Variants in SNX18 observed in about 807,000 individuals in gnomAD.
SNX18 encodes sorting nexin 18, also known as sorting nexin-18.
Under a neutral mutation model 48.7 loss-of-function variants are expected in SNX18, and 35 were observed. The observed-to-expected ratio is 0.72, with a 90% CI of 0.55 to 0.95. The LOEUF is 0.95. Ranked by LOEUF, SNX18 falls within the 40% of genes least tolerant of loss-of-function variation. The pLI, the probability that SNX18 is intolerant of heterozygous loss-of-function variation, is 0.00. For missense variants in SNX18, 824 were observed against 871.0 expected (o/e 0.95, Z 0.68); for synonymous variants, 492 against 384.7 (o/e 1.28, Z -3.26).
the SNX18 span, among the ~76,000 whole-genome samples, chr5:54,570,465 C>T: frequency 6.6e-6 from 1 of 152,190 alleles, no homozygotes; most frequent in Non-Finnish European, 1.5e-5. Context: ...TCTGCACCAT[C>T]ATTTCATAAG....
the SNX18 span, among the ~76,000 whole-genome samples, chr5:54,619,379 T>C: frequency 2.0e-5 from 3 of 152,086 alleles, no homozygotes; most frequent in Non-Finnish European, 4.4e-5. Context: ...AGCATGATGA[T>C]GCATGCCTGT....
downstream of SNX18, among the ~76,000 whole-genome samples, chr5:54,550,587 G>T (rs1261290599): frequency 1.3e-5 from 2 of 152,120 alleles, no homozygotes; most frequent in Non-Finnish European, 2.9e-5. Context: ...TGCGGTAGAT[G>T]ATTATTATTA....
At chr5:54,587,368 C>T in the SNX18 span, among the ~76,000 whole-genome samples, 1 of 152,100 alleles carries the variant, frequency 6.6e-6, no homozygotes, top group African/African-American at 2.4e-5. Context: ...TATACATCAA[C>T]AGTATATAAA....
At chr5:54,560,339 T>C in the SNX18 span, among the ~76,000 whole-genome samples, 1 of 152,294 alleles carries the variant, frequency 6.6e-6, no homozygotes, top group South Asian at 2.1e-4. Context: ...TGGATGGAGC[T>C]GGAGGCCATT....
In SNX18 at chr5:54,546,133, A is replaced by G. The variant is rs1363159425; in HGVS notation, c.*2701A>G. ...AATGTAAAGCCAGTGCACGAATATT[A>G]TAGTAATTGAGATTTTCCCAGGCTT... is the stretch of plus-strand genomic sequence containing the variant. On this transcript the variant is annotated 3_prime_UTR_variant, in exon 2 of 2. Coordinates refer to ENST00000381410, the MANE Select transcript of SNX18 (RefSeq NM_001102575.2). The G allele has an allele frequency of 6.6e-6, 1 of 152,204 alleles. No homozygotes were observed. Among genetic ancestry groups the G allele is most frequent in the African/African-American group, 2.4e-5 (1 of 41,434 alleles). The allele number at this position is 152,204 out of a possible 1,614,324, so 9.4% of individuals were successfully genotyped here. A position where few individuals can be genotyped will look rare whatever the true frequency, so the allele number is the denominator to read the frequency against.
chr5:54,521,557 G>A (rs142736832), intron 1 of SNX18, among the ~76,000 whole-genome samples: 235 of 151,888 alleles, frequency 1.5e-3, no homozygotes, highest in Non-Finnish European at 2.8e-3. Context: ...AGAAGTTAGC[G>A]TGGCATGGTG....
chr5:54,561,080 T>C, the SNX18 span, among the ~76,000 whole-genome samples: 2 of 152,362 alleles, frequency 1.3e-5, no homozygotes, highest in East Asian at 3.9e-4. Flanking sequence ...TTTGTTCTGA[T>C]TGCCCAGGCT....
the SNX18 span, among the ~76,000 whole-genome samples, chr5:54,641,199 A>G: frequency 6.6e-6 from 1 of 152,194 alleles, no homozygotes; most frequent in Non-Finnish European, 1.5e-5. Context: ...GGCCAGAACA[A>G]TGCAAGACAA....
At position 54,517,988 on chromosome 5, in the gene SNX18, G is replaced by T; in HGVS notation, c.36G>T (p.Arg12Ser). Reference protein sequence around the residue: ...ALRARALYDFRSENPGEISLR... With the variant: ...ALRARALYDFSSENPGEISLR... ...GCGCCCGGGCGCTGTACGACTTCAG[G>T]TCGGAGAACCCAGGAGAGATCTCGC... The change falls in exon 1 of 2, where the codon AGG (arginine) becomes AGT (serine). Residue 12 changes from arginine to serine, a missense_variant. By Grantham distance (110) the Arg-to-Ser change is moderately radical. Coordinates refer to ENST00000381410, the MANE Select transcript of SNX18 (RefSeq NM_001102575.2). The T allele has an allele frequency of 6.5e-7, 1 of 1,540,118 alleles. No individual in the cohort carries two copies. Among genetic ancestry groups the T allele is most frequent in the East Asian group, 2.6e-5 (1 of 38,102 alleles).
At chr5:54,605,506 C>A in the SNX18 span, among the ~76,000 whole-genome samples, 1 of 151,986 alleles carries the variant, frequency 6.6e-6, no homozygotes, top group Admixed American at 6.6e-5. Flanking sequence ...GATTACTGAA[C>A]TTTTTTACAT....
At chr5:54,555,143 C>T in the SNX18 span, among the ~76,000 whole-genome samples, 1 of 152,204 alleles carries the variant, frequency 6.6e-6, no homozygotes, top group African/African-American at 2.4e-5. Flanking sequence ...TCCTACTCCT[C>T]CTTTGGGACG....
At chr5:54,625,539 G>C in the SNX18 span, among the ~76,000 whole-genome samples, 32 of 152,306 alleles carry the variant, frequency 2.1e-4, no homozygotes, top group African/African-American at 7.2e-4. Flanking sequence ...GAGGGAAAGA[G>C]AGACAGGGTG....
At chr5:54,606,664 C>T in the SNX18 span, among the ~76,000 whole-genome samples, 1 of 152,170 alleles carries the variant, frequency 6.6e-6, no homozygotes, top group Non-Finnish European at 1.5e-5. Flanking sequence ...GGTTTATATG[C>T]AATTTTAAGA....
the SNX18 span, among the ~76,000 whole-genome samples, chr5:54,604,962 C>T: frequency 5.9e-5 from 9 of 152,082 alleles, no homozygotes; most frequent in South Asian, 2.1e-4. Context: ...AAGCAGTCCC[C>T]GAATATGAAA....
chr5:54,639,793 C>G, the SNX18 span, among the ~76,000 whole-genome samples: 36,702 of 145,680 alleles, frequency 0.25, 4,618 homozygotes, highest in South Asian at 0.36. Context: ...AAGCGATTTG[C>G]AGATTTTCTG....
chr5:54,519,498 G>T lies in SNX18; in HGVS notation c.1546G>T (p.Asp516Tyr), dbSNP rs774968424. The T allele has an allele frequency of 2.5e-6, 4 of 1,614,114 alleles. No individual in the cohort carries two copies. The Admixed American group carries it at 6.7e-5, about 27-fold the overall frequency. Reference sequence around the variant, plus strand: ...CGCGGAGCAGCCCAGGCAGGACCTGGATCCCGTCATGGACCTATTAGCGCT... The same window carrying T: ...CGCGGAGCAGCCCAGGCAGGACCTGTATCCCGTCATGGACCTATTAGCGCT... ...LFAEQPRQDL[D>Y]PVMDLLALYQ... Residue 516 changes from aspartate to tyrosine, a missense_variant, in exon 1 of 2, where the codon GAT (aspartate) becomes TAT (tyrosine). Asp to Tyr is a radical substitution (Grantham distance 160). Around this residue, in one of 3 missense-constraint regions of SNX18, gnomAD observed 443 missense variants for 503.6 expected, o/e 0.88. Coordinates refer to ENST00000381410, the MANE Select transcript of SNX18 (RefSeq NM_001102575.2).
chr5:54,561,934 CTA>C, the SNX18 span, among the ~76,000 whole-genome samples: 20 of 152,228 alleles, frequency 1.3e-4, no homozygotes, highest in Admixed American at 1.2e-3. Flanking sequence ...TTTCATCAGA[CTA>C]TGATTATTTT....
chr5:54,559,189 T>C, the SNX18 span, among the ~76,000 whole-genome samples: 1 of 152,094 alleles, frequency 6.6e-6, no homozygotes, highest in Non-Finnish European at 1.5e-5. Flanking sequence ...TATTAAACTA[T>C]CAATGACATT....
the SNX18 span, among the ~76,000 whole-genome samples, chr5:54,593,007 G>T: frequency 1.3e-5 from 2 of 151,954 alleles, no homozygotes; most frequent in South Asian, 4.2e-4. Context: ...CATCATGTTG[G>T]CCAGGCTGGT....
Sources: allele counts gnomAD v4.1 joint callset (sites outside exome capture counted in the v4.1 genomes callset), GRCh38; gene constraint gnomAD v4.1.1; regional missense constraint gnomAD v4.1.1; transcripts MANE v1.5; gene names NCBI Gene and HGNC (gene_info 2026-07-23, HGNC 2026-07-21).